The following RALGAPA2 variants were observed in gnomAD, a reference collection of about 807,000 sequenced individuals.
RALGAPA2 encodes Ral GTPase activating protein catalytic subunit alpha 2.
RALGAPA2 carries 139 observed loss-of-function variants against 230.4 expected under a neutral mutation model. That is an observed-to-expected ratio of 0.60 (90% CI 0.53 to 0.69). The LOEUF (loss-of-function observed/expected upper bound fraction) is 0.69, where lower values mean the gene tolerates loss of function less well. Ranked by LOEUF, RALGAPA2 falls within the 30% of genes least tolerant of loss-of-function variation. The probability of loss-of-function intolerance (pLI) is 0.00; values close to 1 mark genes in which losing one functional copy is unlikely to be tolerated. For synonymous variants in RALGAPA2, 847 were observed against 837.8 expected (o/e 1.01, Z -0.19); for missense variants, 2,163 against 2,276.0 (o/e 0.95, Z 1.01).
chr20:20,513,177 G>C lies in RALGAPA2; in HGVS notation c.4192C>G (p.Leu1398Val), dbSNP rs370610427. The change falls in exon 32 of 40, where the codon CTG becomes GTG. Residue 1398 changes from leucine to valine, a missense_variant. Transcript: ENST00000202677. ...HYPLSGGPAI[L>V]HSLVSENHDN... ...TGGTTCTCGCTGACAAGGCTGTGCA[G>C]TATGGCAGGGCCCCCACTGAGGGGG... 27 of 1,536,964 alleles carry C rather than the reference G, an allele frequency of 1.8e-5. No individual in the cohort carries two copies. Among genetic ancestry groups the C allele is most frequent in the Non-Finnish European group, 2.0e-5 (23 of 1,145,978 alleles).
chr20:20,429,503 A>G (rs2060458371), intron 37 of RALGAPA2, among the ~76,000 whole-genome samples: 1 of 152,240 alleles, frequency 6.6e-6, no homozygotes, highest in Non-Finnish European at 1.5e-5. Context: ...AGAAGCTACA[A>G]TTTAGAGGAA....
Position 20,526,340 on chromosome 20 carries a change from T to C in RALGAPA2, c.3605A>G (p.Gln1202Arg). 1.2e-6 allele frequency: 2 copies of C among 1,600,190 alleles called. No homozygotes were observed. Among genetic ancestry groups the C allele is most frequent in the Non-Finnish European group, 1.7e-6 (2 of 1,175,852 alleles). ...TLKFPNKIVA[Q>R]VACDVLQLLV... is the part of the protein sequence containing the mutation. The stretch of plus-strand genomic sequence containing the variant: ...CAACTGAAGGACATCGCAAGCTACC[T>C]GGGCCACGATTTTGTTGGGAAACTA... The change falls in exon 28 of 40, where the codon CAG becomes CGG. Residue 1202 changes from glutamine to arginine, a missense_variant. By Grantham distance (43) the Gln-to-Arg change is conservative (BLOSUM62 1). Coordinates refer to ENST00000202677, the MANE Select transcript of RALGAPA2 (RefSeq NM_020343.4).
Position 20,639,806 on chromosome 20 carries a change from C to A in RALGAPA2, c.645G>T (p.Leu215=). The A allele has an allele frequency of 6.2e-7, 1 of 1,608,596 alleles. No homozygotes were observed. Among genetic ancestry groups the A allele is most frequent in the South Asian group, 1.1e-5 (1 of 90,976 alleles). The change falls in exon 7 of 40, where the codon CTG becomes CTT. Residue 215 remains leucine, a synonymous_variant. Coordinates refer to ENST00000202677, the MANE Select transcript of RALGAPA2 (RefSeq NM_020343.4). ...EDQTCFFLQI[L]LKYMVIQAAS... ...TGACCTGAATAACCATATACTTCAA[C>A]AGTATTTGAAGAAAAAAGCAGGTTT...
chr20:20,609,745 T>A (rs1445408742), intron 14 of RALGAPA2, among the ~76,000 whole-genome samples: 1 of 152,176 alleles, frequency 6.6e-6, no homozygotes, highest in East Asian at 1.9e-4. Context: ...GTGCCAACAG[T>A]GAGACGCTTC....
At chr20:20,684,094 CTAACTT>C (rs1169734349) in intron 1 of RALGAPA2, among the ~76,000 whole-genome samples, 1 of 152,182 alleles carries the variant, frequency 6.6e-6, no homozygotes, top group African/African-American at 2.4e-5. Context: ...CTGAATAAAA[CTAACTT>C]TAATTTTTTT....
chr20:20,404,005 G>A (rs969899932), intron 38 of RALGAPA2, among the ~76,000 whole-genome samples: 3 of 152,202 alleles, frequency 2.0e-5, no homozygotes, highest in Admixed American at 1.3e-4. Context: ...TGAGTGCTGC[G>A]GGAAAGGCAA....
intron 14 of RALGAPA2, among the ~76,000 whole-genome samples, chr20:20,605,966 C>T (rs2065807777): frequency 1.3e-5 from 2 of 152,088 alleles, no homozygotes; most frequent in Admixed American, 1.3e-4. Context: ...ACCCTGTTGC[C>T]CCCTTACACT....
chr20:20,514,441 T>C (rs757919985), intron 31 of RALGAPA2, among the ~76,000 whole-genome samples: 1 of 151,892 alleles, frequency 6.6e-6, no homozygotes, highest in Non-Finnish European at 1.5e-5. Flanking sequence ...AGTCTCTCCA[T>C]CCCTCCTCTG....
rs781035925 is a variant in RALGAPA2, at chr20:20,591,273, C to T, written c.2245G>A (p.Gly749Arg). ...CQQSENAPAA[G>R]SGHLTVGQQQ... is the part of the protein sequence containing the mutation. ...TGTCCCACTGTGAGATGGCCAGATC[C>T]GGCTGCAGGTGCATTTTCTGACTGT... Residue 749 changes from glycine (G) to arginine (R), a missense_variant, in exon 17 of 40, where the codon GGA becomes AGA. Transcript: ENST00000202677. 18 of 1,613,724 alleles carry T rather than the reference C, an allele frequency of 1.1e-5. No individual in the cohort carries two copies. Among genetic ancestry groups the T allele is most frequent in the South Asian group, 7.7e-5 (7 of 91,080 alleles).
chr20:20,653,334 G>A (rs1309689968), intron 4 of RALGAPA2, among the ~76,000 whole-genome samples, 196 bp downstream of exon 4: 1 of 151,722 alleles, frequency 6.6e-6, no homozygotes, highest in Non-Finnish European at 1.5e-5. Flanking sequence ...ACTCTAAGGA[G>A]CACACAGAGG....
At chr20:20,711,711 G>T (rs960815128) in intron 1 of RALGAPA2, among the ~76,000 whole-genome samples, 1 of 151,968 alleles carries the variant, frequency 6.6e-6, no homozygotes, top group Non-Finnish European at 1.5e-5. Context: ...CTGAACCCAA[G>T]AAAACCACCC....
chr20:20,550,088 AC>A (rs375990426), intron 23 of RALGAPA2, among the ~76,000 whole-genome samples: 1 of 152,226 alleles, frequency 6.6e-6, no homozygotes, highest in African/African-American at 2.4e-5. Flanking sequence ...TGCACCCATC[AC>A]CCAAGCAGTA....
intron 27 of RALGAPA2, among the ~76,000 whole-genome samples, chr20:20,530,521 C>T (rs368648574): frequency 7.8e-4 from 119 of 152,190 alleles, no homozygotes; most frequent in African/African-American, 2.2e-3. Context: ...AGGGGCCAGA[C>T]GCCAAATCAA....
Position 20,562,195 on chromosome 20 carries a change from T to C in RALGAPA2, c.3156+9263A>G, listed in dbSNP as rs542224410. Among the ~76,000 whole-genome samples, 14 of 152,180 alleles carry C rather than the reference T, an allele frequency of 9.2e-5. No homozygotes were observed. In the East Asian group the frequency reaches 2.5e-3, roughly 27 times the overall value. On this transcript the variant is annotated intron_variant, in intron 23 of 39. Transcript: ENST00000202677. ...TCTCAGAAGAAGGTCTTTTTTTTTT[T>C]CTTCCATTTTCTATCAATCAATATA... is the stretch of plus-strand genomic sequence containing the variant.
At chr20:20,425,052 G>A (rs1469243725) in intron 37 of RALGAPA2, among the ~76,000 whole-genome samples, 11 of 152,140 alleles carry the variant, frequency 7.2e-5, no homozygotes, top group Non-Finnish European at 1.3e-4. Context: ...AGGCAAAAGC[G>A]ACTTTCATTT....
intron 15 of RALGAPA2, among the ~76,000 whole-genome samples, chr20:20,602,292 G>A (rs924835673): frequency 6.6e-6 from 1 of 152,184 alleles, no homozygotes; most frequent in African/African-American, 2.4e-5. Context: ...AGCAATCCAT[G>A]CCTATAAACT....
At chr20:20,708,315 C>T (rs2069690409) in intron 1 of RALGAPA2, among the ~76,000 whole-genome samples, 1 of 152,120 alleles carries the variant, frequency 6.6e-6, no homozygotes, top group Admixed American at 6.5e-5. Flanking sequence ...CTTTGGAACC[C>T]AGCGTAAGTA....
chr20:20,482,143 AT>A (rs1169173541), intron 36 of RALGAPA2, among the ~76,000 whole-genome samples: 1 of 152,196 alleles, frequency 6.6e-6, no homozygotes, highest in African/African-American at 2.4e-5. Context: ...TTGTCTGAAA[AT>A]TCTAAAGACT....
At position 20,591,368 on chromosome 20, in the gene RALGAPA2, A is replaced by G. The variant is rs935628361; in HGVS notation, c.2204-54T>C. On this transcript the variant is annotated intron_variant, in intron 16 of 39. Coordinates refer to ENST00000202677, the MANE Select transcript of RALGAPA2 (RefSeq NM_020343.4). ...TACAGTTCAAGTTTTTAAAAAACAC[A>G]TTCACCACTTAAAACAACCGATTTA... 24 of 1,551,010 alleles carry G rather than the reference A, an allele frequency of 1.5e-5. No individual in the cohort carries two copies. In the African/African-American group the frequency reaches 3.0e-4, roughly 19 times the overall value.
Sources: gnomAD v4.1 joint callset for allele counts (sites outside exome capture counted in the v4.1 genomes callset) on GRCh38, gnomAD v4.1.1 for gene constraint, MANE v1.5 for transcripts, NCBI Gene and HGNC (gene_info 2026-07-23, HGNC 2026-07-21) for gene names.